Variants in LAMB4 observed in about 807,000 individuals in gnomAD.
The protein encoded by LAMB4 is laminin subunit beta-4.
A neutral mutation model predicts 199.2 loss-of-function variants in LAMB4; 196 were observed. The ratio of observed to expected loss-of-function variants is 0.98; its 90% CI spans 0.88 to 1.11. LAMB4 has a LOEUF of 1.11. LAMB4 is among the 50% of genes least tolerant of loss of function. LAMB4 has a pLI of 0.00. For missense variants in LAMB4, 2,080 were observed against 2,171.2 expected, an observed-to-expected ratio of 0.96 and a Z score of 0.83; for synonymous variants, 744 against 770.6, an observed-to-expected ratio of 0.97 and a Z score of 0.57.
intron 2 of LAMB4, among the ~76,000 whole-genome samples, chr7:108,122,618 A>G (rs909547416): frequency 6.6e-6 from 1 of 152,216 alleles, no homozygotes; most frequent in Admixed American, 6.5e-5. Flanking sequence ...CCTGTTTTCG[A>G]TGTAGAAAAG....
chr7:108,067,314 G>C (rs1159696419), intron 19 of LAMB4, among the ~76,000 whole-genome samples: 1 of 152,222 alleles, frequency 6.6e-6, no homozygotes, highest in African/African-American at 2.4e-5. Context: ...GATTATGATT[G>C]AAAAGATATG....
intron 21 of LAMB4, 31 bp downstream of exon 21, chr7:108,065,730 GA>G (rs763515969): frequency 6.3e-7 from 1 of 1,587,504 alleles, no homozygotes; most frequent in Admixed American, 1.7e-5. Context: ...GGGATAAAGA[GA>G]AAAAATTGCA....
chr7:108,056,665 A>G (rs1227260801), intron 24 of LAMB4, among the ~76,000 whole-genome samples: 1 of 152,146 alleles, frequency 6.6e-6, no homozygotes, highest in African/African-American at 2.4e-5. Flanking sequence ...TGCAAGGAAC[A>G]AGTAATTTAA....
chr7:108,035,474 G>A lies in LAMB4; in HGVS notation c.4680-1128C>T, dbSNP rs965897257. Among the ~76,000 whole-genome samples the A allele has an allele frequency of 7.3e-5, 11 of 151,490 alleles. No homozygotes were observed. The East Asian group carries it at 1.9e-3, about 27-fold the overall frequency. On this transcript the variant is annotated intron_variant, in intron 30 of 33. Transcript: ENST00000388781. ...TGAGAATCACTTGAATCTGGGAGGC[G>A]GAGGTTGCAGTGAGCTGAGATCGTG... is the stretch of plus-strand genomic sequence containing the variant.
At chr7:108,016,698 TA>T in the LAMB4 span, among the ~76,000 whole-genome samples, 6 of 152,356 alleles carry the variant, frequency 3.9e-5, no homozygotes, top group South Asian at 1.2e-3. Context: ...CTAGCTGTGT[TA>T]GTAGTTTTCT....
At chr7:108,025,417 C>CTTTCTTCT (rs772964568) in intron 33 of LAMB4, among the ~76,000 whole-genome samples, 1 of 107,826 alleles carries the variant, frequency 9.3e-6, no homozygotes, top group Non-Finnish European at 1.7e-5. Context: ...TTCTTTCTTT[C>CTTTCTTCT]TTCTTTCTTT....
At chr7:108,045,568 T>C (rs1480829617) in intron 28 of LAMB4, among the ~76,000 whole-genome samples, 1 of 152,270 alleles carries the variant, frequency 6.6e-6, no homozygotes, top group East Asian at 1.9e-4. Flanking sequence ...TAACATATTA[T>C]TGACTTAATG....
chr7:108,071,104 T>C (rs772020781), intron 17 of LAMB4, among the ~76,000 whole-genome samples: 61 of 150,248 alleles, frequency 4.1e-4, no homozygotes, highest in Non-Finnish European at 8.5e-4. Flanking sequence ...TCTCTTCCTC[T>C]CAACTCACAT....
intron 8 of LAMB4, 96 bp from the exon 9 acceptor site, chr7:108,104,715 T>C (rs1022707044): frequency 7.3e-7 from 1 of 1,370,946 alleles, no homozygotes; most frequent in East Asian, 2.4e-5. Flanking sequence ...TCCTGGTACC[T>C]CTCTGATCCT....
chr7:108,043,382 G>A (rs1023136308), intron 29 of LAMB4, among the ~76,000 whole-genome samples: 8 of 151,670 alleles, frequency 5.3e-5, no homozygotes, highest in African/African-American at 1.7e-4. Context: ...CTAAATTCTA[G>A]CATTTGTTAC....
intron 10 of LAMB4, among the ~76,000 whole-genome samples, chr7:108,102,005 G>A (rs379390): frequency 1.3e-4 from 20 of 152,296 alleles, no homozygotes; most frequent in Admixed American, 3.3e-4. Flanking sequence ...TACTATTGGC[G>A]TGAGTGGCCA....
At position 108,065,824 on chromosome 7, in the gene LAMB4, T is replaced by C. The variant is rs1367158807; in HGVS notation, c.2774A>G (p.His925Arg). ...DDPSSNQYFAHSCYQNLWSSD... is the reference protein window; with the variant it reads ...DDPSSNQYFARSCYQNLWSSD... ...GCTCCACAGATTCTGATAACAGGAATGGGCAAAATACTGATTGCTTGAGGG... is the reference window on the plus strand; with the variant it reads ...GCTCCACAGATTCTGATAACAGGAACGGGCAAAATACTGATTGCTTGAGGG... The change falls in exon 21 of 34, where the codon CAT (histidine) becomes CGT (arginine). Residue 925 changes from histidine (H) to arginine (R), a missense_variant. Transcript: ENST00000388781. 1 of 1,614,154 alleles carries C rather than the reference T, an allele frequency of 6.2e-7. No homozygotes were observed. The highest frequency in any genetic ancestry group is 8.5e-7 in the Non-Finnish European group (1 of 1,179,994).
chr7:108,096,939 CAAAAAAAAAAAAAAAAAAAA>C (rs746917278), intron 11 of LAMB4, among the ~76,000 whole-genome samples: 18 of 52,822 alleles, frequency 3.4e-4, no homozygotes, highest in South Asian at 1.9e-3. Flanking sequence ...CTGTCTCTCT[CAAAAAAAAAAAAAAAAAAAA>C]AAAAAAAAAA....
In LAMB4 at chr7:108,055,744, C is replaced by T; in HGVS notation, c.3643G>A (p.Ala1215Thr). 2 of 1,614,170 alleles carry T rather than the reference C, an allele frequency of 1.2e-6. No homozygotes were observed. The highest frequency in any genetic ancestry group is 1.7e-6 in the Non-Finnish European group (2 of 1,180,010). ...DKRETLPVCE[A>T]DFKDLRGNVS... ...TTCCCTCTGAGGTCTTTGAAGTCTG[C>T]CTCACAGACAGGCAGGGTCTCTCTT... The change falls in exon 25 of 34, where the codon GCA becomes ACA. Residue 1215 changes from alanine to threonine, a missense_variant. Physicochemically the swap from Ala to Thr is moderately conservative, Grantham distance 58. Transcript: ENST00000388781.
intron 14 of LAMB4, among the ~76,000 whole-genome samples, chr7:108,086,155 C>T (rs574456271): frequency 3.3e-5 from 5 of 152,316 alleles, no homozygotes; most frequent in East Asian, 3.9e-4. Context: ...CCAGCACCAA[C>T]GACTGACTGA....
chr7:108,029,831 C>G (rs1268741132), intron 32 of LAMB4, among the ~76,000 whole-genome samples: 1 of 152,036 alleles, frequency 6.6e-6, no homozygotes, highest in Non-Finnish European at 1.5e-5. Context: ...TAGAAAGTAC[C>G]TTTCTTGGCC....
intron 10 of LAMB4, among the ~76,000 whole-genome samples, chr7:108,099,633 C>T (rs899258921): frequency 6.6e-6 from 1 of 152,094 alleles, no homozygotes; most frequent in Admixed American, 6.5e-5. Context: ...TGGGGTTCCA[C>T]TTTTAAGGCG....
chr7:108,026,839 C>A (rs2150479128), intron 33 of LAMB4: 2 of 512,412 alleles, frequency 3.9e-6, no homozygotes, highest in South Asian at 2.8e-5. Flanking sequence ...TGGTTCCGCC[C>A]CTTCTCAAGT....
chr7:108,019,538 G>C (rs1224951127), downstream of LAMB4, among the ~76,000 whole-genome samples: 1 of 151,990 alleles, frequency 6.6e-6, no homozygotes, highest in Non-Finnish European at 1.5e-5. Context: ...CCATAATTCT[G>C]CCTCTCCCAC....
Sources: allele counts gnomAD v4.1 joint callset (sites outside exome capture counted in the v4.1 genomes callset), GRCh38; gene constraint gnomAD v4.1.1; transcripts MANE v1.5; gene names NCBI Gene and HGNC (gene_info 2026-07-23, HGNC 2026-07-21).